CABLES2: variants seen among roughly 807,000 people sequenced by gnomAD.
The protein encoded by CABLES2 is CDK5 and ABL1 enzyme substrate 2.
In CABLES2, 35 loss-of-function variants were observed where a neutral mutation model predicts 44.8. The observed-to-expected ratio is 0.78, with a 90% confidence interval of 0.60 to 1.04. The LOEUF (loss-of-function observed/expected upper bound fraction) is 1.04. CABLES2 is among the 50% of genes least tolerant of loss of function. CABLES2 has a pLI of 0.00. For missense variants in CABLES2, 566 were observed against 615.7 expected (o/e 0.92, Z 0.85); for synonymous variants, 282 against 281.1 (o/e 1.00, Z -0.03).
Position 62,396,649 on chromosome 20 carries a change from G to A in CABLES2, c.363-57C>T. On this transcript the variant is annotated intron_variant, in intron 1 of 9. Coordinates refer to ENST00000279101, the MANE Select transcript of CABLES2 (RefSeq NM_031215.3). The surrounding 1 kb of genome is among the most constrained non-coding windows in gnomAD (Gnocchi z 5.7). ...CCACCAGCCCGGGTGCCGCCTTTGT[G>A]GCCAGAAACCGAGTGCCGCCCGCTG... is the stretch of plus-strand genomic sequence containing the variant. 1 of 1,547,116 alleles carries A rather than the reference G, an allele frequency of 6.5e-7. No homozygotes were observed. Among genetic ancestry groups the A allele is most frequent in the Non-Finnish European group, 8.8e-7 (1 of 1,138,168 alleles).
chr20:62,400,168 G>A (rs770900871), intron 1 of CABLES2, among the ~76,000 whole-genome samples: 6 of 152,186 alleles, frequency 3.9e-5, no homozygotes, highest in South Asian at 2.1e-4. Context: ...GGGACCAGCC[G>A]GATGGCTGCA....
Position 62,396,542 on chromosome 20 carries a change from A to T in CABLES2, c.413T>A (p.Val138Glu). ...GTACCTCTGTGCTGGAGCGCATCCC[A>T]CGGCATCTTCCAGAAACTCCAGGGA... ...RCSLEFLEDAVGCAPAQRTKH... is the reference protein window; with the variant it reads ...RCSLEFLEDAEGCAPAQRTKH... Residue 138 changes from valine (V) to glutamate (E), a missense_variant, in exon 2 of 10, where the codon GTG (valine) becomes GAG (glutamate). Coordinates refer to ENST00000279101, the MANE Select transcript of CABLES2 (RefSeq NM_031215.3). This position sits in a 1 kb window ranked among gnomAD's most constrained non-coding sequence, Gnocchi z 5.7. The T allele has an allele frequency of 6.2e-7, 1 of 1,613,692 alleles. No individual in the cohort carries two copies. Among genetic ancestry groups the T allele is most frequent in the Non-Finnish European group, 8.5e-7 (1 of 1,179,924 alleles).
rs1349096923 is a variant in CABLES2, at chr20:62,391,019, G to A, written c.1389C>T (p.Pro463=). 13 of 1,614,114 alleles carry A rather than the reference G, an allele frequency of 8.1e-6. No individual in the cohort carries two copies. Among genetic ancestry groups the A allele is most frequent in the East Asian group, 4.5e-5 (2 of 44,876 alleles). ...TGTAATGAGGTAACACTTGGTTCTC[G>A]GGAAGATACAGGGCCAGCTCCAAGG... ...LVALELALYL[P]ENQVLPHYRR... is the part of the protein sequence containing the mutation. Residue 463 remains proline (P), a synonymous_variant, in exon 10 of 10, where the codon CCC becomes CCT. Coordinates refer to ENST00000279101, the MANE Select transcript of CABLES2 (RefSeq NM_031215.3). The surrounding 1 kb of genome is among the most constrained non-coding windows in gnomAD (Gnocchi z 5.7).
chr20:62,396,028 T>G lies in CABLES2; in HGVS notation c.527+287A>C, dbSNP rs1200852851. ...GCCACACCCGTTTCTGTGTCTCCAG[T>G]TTTCCTTCACGTCAGCACTGTTGCT... On this transcript the variant is annotated intron_variant, in intron 3 of 9. Transcript: ENST00000279101. The surrounding 1 kb of genome is among the most constrained non-coding windows in gnomAD (Gnocchi z 5.7). Among the ~76,000 whole-genome samples, 1 of 152,240 alleles carries G rather than the reference T, an allele frequency of 6.6e-6. No homozygotes were observed. Among genetic ancestry groups the G allele is most frequent in the Non-Finnish European group, 1.5e-5 (1 of 68,042 alleles).
chr20:62,389,299 G>C lies in CABLES2; in HGVS notation c.*1672C>G, dbSNP rs1987866017. On this transcript the variant is annotated 3_prime_UTR_variant, in exon 10 of 10. Coordinates refer to ENST00000279101, the MANE Select transcript of CABLES2 (RefSeq NM_031215.3). ...CCAGGGGATGATCCTTGGCTTGAGG[G>C]CAGGCTGCTTGATGGAAGGGGACGC... The C allele has an allele frequency of 6.6e-6, 1 of 152,322 alleles. No homozygotes were observed. Among genetic ancestry groups the C allele is most frequent in the South Asian group, 2.1e-4 (1 of 4,828 alleles). The allele number at this position is 152,322 out of a possible 1,614,324, so 9.4% of individuals were successfully genotyped here.
In CABLES2 at chr20:62,400,955, A is replaced by G. The variant is rs189954106; in HGVS notation, c.363-4363T>C. 6.6e-5 allele frequency among the ~76,000 whole-genome samples: 10 copies of G among 152,292 alleles called. No individual in the cohort carries two copies. The East Asian group carries it at 1.5e-3, about 24-fold the overall frequency. On this transcript the variant is annotated intron_variant, in intron 1 of 9. Transcript: ENST00000279101. ...TAGTAAACTAGATCTGCACAGTTCT[A>G]GGAAGGAGGCAGCATTCTGACGCTC...
rs1191146013 is a variant in CABLES2, at chr20:62,396,808, T to C, written c.363-216A>G. Among the ~76,000 whole-genome samples, 2 of 152,136 alleles carry C rather than the reference T, an allele frequency of 1.3e-5. No individual in the cohort carries two copies. The highest frequency in any genetic ancestry group is 2.9e-5 in the Non-Finnish European group (2 of 67,968). ...TTCCTGTTTTGGAGGCACTGAGCTC[T>C]TCTCTGGGGACCAGCAGCCCTGGGG... On this transcript the variant is annotated intron_variant, in intron 1 of 9. Coordinates refer to ENST00000279101, the MANE Select transcript of CABLES2 (RefSeq NM_031215.3). The surrounding 1 kb of genome is among the most constrained non-coding windows in gnomAD (Gnocchi z 5.7).
intron 1 of CABLES2, among the ~76,000 whole-genome samples, chr20:62,398,267 A>T (rs1461606851): frequency 1.5e-5 from 1 of 67,086 alleles, no homozygotes; most frequent in Non-Finnish European, 2.8e-5. Flanking sequence ...GGTGATGGTG[A>T]TGGCGGTGGT....
Position 62,393,452 on chromosome 20 carries a change from T to G in CABLES2, c.868A>C (p.Ser290Arg), listed in dbSNP as rs746402060. 9 of 1,607,670 alleles carry G rather than the reference T, an allele frequency of 5.6e-6. 1 individual carries two copies. The South Asian group carries it at 1.0e-4, about 18-fold the overall frequency. Residue 290 changes from serine (S) to arginine (R), a missense_variant, in exon 6 of 10, where the codon AGC becomes CGC. By Grantham distance (110) the Ser-to-Arg change is moderately radical. Transcript: ENST00000279101. ...GCACGTGGGCTACCTAGTTCTGTGC[T>G]GGCTGGTGCCGACTTGGTGGGGGCA... is the stretch of plus-strand genomic sequence containing the variant. The part of the protein sequence containing the change: ...KPAPTKSAPA[S>R]TELGSDVGDT...
At chr20:62,398,059 T>TGGTGGTGGTGACGGTGGTGGTGAC (rs1180729185) in intron 1 of CABLES2, among the ~76,000 whole-genome samples, 2 of 78,748 alleles carry the variant, frequency 2.5e-5, no homozygotes, top group African/African-American at 1.0e-4. Context: ...GTGATGGCGA[T>TGGTGGTGGTGACGGTGGTGGTGAC]GGTGGTGGTG....
intron 1 of CABLES2, among the ~76,000 whole-genome samples, chr20:62,399,468 T>G (rs1569018449): frequency 6.7e-6 from 1 of 149,468 alleles, no homozygotes; most frequent in East Asian, 2.0e-4. Flanking sequence ...AGGATGGTCT[T>G]GATCTCCTGA....
intron 1 of CABLES2, among the ~76,000 whole-genome samples, chr20:62,406,630 G>A (rs1988292598): frequency 6.6e-6 from 1 of 151,716 alleles, no homozygotes; most frequent in Non-Finnish European, 1.5e-5. Flanking sequence ...CAACCCCTGT[G>A]TCCTGGGCTG....
intron 1 of CABLES2, among the ~76,000 whole-genome samples, chr20:62,400,508 T>G (rs1012598510): frequency 6.6e-6 from 1 of 152,110 alleles, no homozygotes; most frequent in Admixed American, 6.5e-5. Context: ...AAGGAGGAGA[T>G]TTGGGGACTG....
In CABLES2 at chr20:62,393,520, C is replaced by T. The variant is rs138893645; in HGVS notation, c.800G>A (p.Arg267Gln). The change falls in exon 6 of 10, where the codon CGG becomes CAG. Residue 267 changes from arginine (R) to glutamine (Q), a missense_variant. Around this residue, in one of 2 missense-constraint regions of CABLES2, gnomAD observed 436 missense variants for 536.3 expected, o/e 0.81. Transcript: ENST00000279101. ...SDSHGLLPTP[R>Q]PSVPRTLPGS... is the part of the protein sequence containing the mutation. ...TGGCAGAGTCCGGGGGACACTGGGCCGAGGTGTGGGCAGCAGGCCATGGCT... is the reference window on the plus strand; with the variant it reads ...TGGCAGAGTCCGGGGGACACTGGGCTGAGGTGTGGGCAGCAGGCCATGGCT... The T allele has an allele frequency of 3.0e-5, 49 of 1,613,300 alleles. No individual in the cohort carries two copies. The African/African-American group carries it at 3.2e-4, about 11-fold the overall frequency.
At chr20:62,394,507 G>A (rs1280922659) in intron 4 of CABLES2, among the ~76,000 whole-genome samples, 2 of 152,148 alleles carry the variant, frequency 1.3e-5, no homozygotes, top group African/African-American at 4.8e-5. Context: ...CCGGGGTGGC[G>A]CCCACCTTCA....
rs772372837 is a variant in CABLES2 at position 62,394,987 on chromosome 20, G to A, written c.555C>T (p.Ser185=). The change falls in exon 4 of 10, where the codon TCC becomes TCT. Residue 185 remains serine (S), a synonymous_variant. Coordinates refer to ENST00000279101, the MANE Select transcript of CABLES2 (RefSeq NM_031215.3). ...SRIVLICAKR[S]LCAAFSVLPY... is the part of the protein sequence containing the mutation. ...GCAGGACCGAGAAGGCCGCGCACAGGGACCGCTTGGCACAGATGAGCACGA... is the reference window on the plus strand; with the variant it reads ...GCAGGACCGAGAAGGCCGCGCACAGAGACCGCTTGGCACAGATGAGCACGA... 3.7e-6 allele frequency: 6 copies of A among 1,612,846 alleles called. No homozygotes were observed. In the South Asian group the frequency reaches 6.6e-5, roughly 18 times the overall value.
chr20:62,395,314 C>A (rs893756817), intron 3 of CABLES2, among the ~76,000 whole-genome samples: 2 of 152,212 alleles, frequency 1.3e-5, no homozygotes, highest in African/African-American at 4.8e-5. Flanking sequence ...CCTTCCTGAC[C>A]CAGTGCGGGT....
chr20:62,401,080 C>T (rs371943725), intron 1 of CABLES2, among the ~76,000 whole-genome samples: 44 of 152,152 alleles, frequency 2.9e-4, no homozygotes, highest in Non-Finnish European at 4.4e-4. Flanking sequence ...CCCACGTGGA[C>T]GGCCGGGCTC....
Position 62,391,146 on chromosome 20 carries a change from C to T in CABLES2, c.1297-35G>A. On this transcript the variant is annotated intron_variant, in intron 9 of 9. Transcript: ENST00000279101. This position sits in a 1 kb window ranked among gnomAD's most constrained non-coding sequence, Gnocchi z 5.7. ...AGAAGAGAGAAGGGTTACACGGGAG[C>T]CTTCCCTCTTCCACATTTCCCACCC... The T allele has an allele frequency of 6.2e-7, 1 of 1,609,010 alleles. No homozygotes were observed. The highest frequency in any genetic ancestry group is 8.5e-7 in the Non-Finnish European group (1 of 1,175,892).
Sources: gnomAD v4.1 joint callset for allele counts (sites outside exome capture counted in the v4.1 genomes callset) on GRCh38, gnomAD v4.1.1 for gene constraint, gnomAD v4.1.1 regional missense constraint, Gnocchi (gnomAD v3.1) non-coding constraint, MANE v1.5 for transcripts, NCBI Gene and HGNC (gene_info 2026-07-23, HGNC 2026-07-21) for gene names.